NTRK3: variants seen among roughly 807,000 people sequenced by gnomAD.
NTRK3 encodes neurotrophic receptor tyrosine kinase 3.
In NTRK3, 24 loss-of-function variants were observed where a neutral mutation model predicts 91.7. The observed-to-expected ratio is 0.26, with a 90% CI of 0.19 to 0.37. The LOEUF (loss-of-function observed/expected upper bound fraction) is 0.37, where lower values mean the gene tolerates loss of function less well. Ranked by LOEUF, NTRK3 falls within the 10% of genes least tolerant of loss-of-function variation. The pLI is 1.00. For missense variants in NTRK3, 880 were observed against 1,068.9 expected (o/e 0.82, Z 2.46); for synonymous variants, 483 against 404.0 (o/e 1.20, Z -2.34).
chr15:87,905,801 C>T (rs1294428279), intron 17 of NTRK3, among the ~76,000 whole-genome samples: 2 of 152,170 alleles, frequency 1.3e-5, no homozygotes, highest in African/African-American at 4.8e-5. Flanking sequence ...AACACTGACT[C>T]ACTGAAGTTA....
intron 13 of NTRK3, among the ~76,000 whole-genome samples, chr15:88,096,167 G>A (rs921173340): frequency 5.9e-5 from 9 of 152,144 alleles, no homozygotes; most frequent in African/African-American, 1.4e-4. Context: ...GCTGTTCTCC[G>A]AGATGCTAAC....
At chr15:87,929,420 T>C in exon 17 of NTRK3, 1 of 1,614,016 alleles carries the variant, frequency 6.2e-7, no homozygotes. Context: ...GATCATTGCA[T>C]CTGGCCCATG....
At position 88,093,386 on chromosome 15, in the gene NTRK3, A is replaced by G. The variant is rs139277188; in HGVS notation, c.1396+32885T>C. Among the ~76,000 whole-genome samples the G allele has an allele frequency of 4.8e-4, 73 of 152,298 alleles. No individual in the cohort carries two copies. In the East Asian group the frequency reaches 0.014, roughly 28 times the overall value. ...TCTTAGGGTAGCATGATTAGAAAGC[A>G]GGAAGGGGAGGATTTGAAAGGAACA... On this transcript the variant is annotated intron_variant, in intron 13 of 18. Coordinates refer to ENST00000394480, the Ensembl canonical transcript of NTRK3.
intron 13 of NTRK3, among the ~76,000 whole-genome samples, chr15:88,113,585 G>A (rs539739859): frequency 8.5e-4 from 129 of 152,246 alleles, no homozygotes; most frequent in Non-Finnish European, 1.6e-3. Flanking sequence ...CAAAGTGCTG[G>A]GATTATAGGC....
intron 13 of NTRK3, among the ~76,000 whole-genome samples, chr15:88,053,486 T>G (rs1249585872): frequency 6.6e-6 from 1 of 152,194 alleles, no homozygotes; most frequent in Non-Finnish European, 1.5e-5. Flanking sequence ...TACTTCACTC[T>G]GAATTTGACA....
chr15:87,931,317 A>C (rs2068778751), intron 16 of NTRK3: 1 of 464,702 alleles, frequency 2.2e-6, no homozygotes, highest in Admixed American at 2.5e-5. Flanking sequence ...AGTGAGGGCT[A>C]TCCCGAATAT....
intron 14 of NTRK3, among the ~76,000 whole-genome samples, chr15:87,945,855 TCTTA>T (rs963644263): frequency 6.7e-6 from 1 of 148,430 alleles, no homozygotes; most frequent in African/African-American, 2.4e-5. Flanking sequence ...ATCCTGACCC[TCTTA>T]CTTACTAATT....
intron 14 of NTRK3, among the ~76,000 whole-genome samples, chr15:88,024,167 GA>G (rs1181338232): frequency 6.6e-6 from 1 of 152,226 alleles, no homozygotes; most frequent in East Asian, 1.9e-4. Context: ...TGACCCAGAA[GA>G]AAAGGAGGAG....
chr15:88,211,951 C>CA (rs2049283637), intron 3 of NTRK3, among the ~76,000 whole-genome samples: 1 of 152,138 alleles, frequency 6.6e-6, no homozygotes, highest in Non-Finnish European at 1.5e-5. Context: ...AACTGTAATT[C>CA]AATAAACCCA....
chr15:87,917,355 T>C, intron 17 of NTRK3, among the ~76,000 whole-genome samples: 1 of 152,044 alleles, frequency 6.6e-6, no homozygotes, highest in East Asian at 1.9e-4. Flanking sequence ...TGGAATAGAG[T>C]GAGCAAACCA....
intron 17 of NTRK3, among the ~76,000 whole-genome samples, chr15:87,887,002 T>C (rs1238453875): frequency 6.6e-6 from 1 of 151,960 alleles, no homozygotes; most frequent in Non-Finnish European, 1.5e-5. Flanking sequence ...AACATTTCTC[T>C]TGATGAAAAT....
chr15:88,002,339 G>A (rs972971028), intron 14 of NTRK3, among the ~76,000 whole-genome samples: 5 of 151,988 alleles, frequency 3.3e-5, no homozygotes, highest in South Asian at 4.2e-4. Flanking sequence ...GATAATGGAA[G>A]GCCTTGTTCA....
chr15:88,006,196 A>G (rs561851750), intron 14 of NTRK3, among the ~76,000 whole-genome samples: 3 of 152,332 alleles, frequency 2.0e-5, no homozygotes, highest in African/African-American at 7.2e-5. Flanking sequence ...CATCCCCAAA[A>G]AAATTTTTCC....
At chr15:87,949,280 G>C (rs566336040) in intron 14 of NTRK3, among the ~76,000 whole-genome samples, 1 of 151,974 alleles carries the variant, frequency 6.6e-6, no homozygotes, top group South Asian at 2.1e-4. Context: ...AACCAAGATC[G>C]TATTGAACCA....
chr15:87,984,296 C>T (rs1236281707), intron 14 of NTRK3, among the ~76,000 whole-genome samples: 1 of 152,196 alleles, frequency 6.6e-6, no homozygotes, highest in Non-Finnish European at 1.5e-5. Flanking sequence ...AGAAAGGATT[C>T]CTCATAGACA....
At chr15:87,935,477 C>G (rs1356887272) in intron 15 of NTRK3, among the ~76,000 whole-genome samples, 1 of 152,218 alleles carries the variant, frequency 6.6e-6, no homozygotes, top group Non-Finnish European at 1.5e-5. Context: ...ACAGTCTCTT[C>G]TGGGGACCCA....
At chr15:88,085,882 C>T (rs1162886163) in intron 13 of NTRK3, among the ~76,000 whole-genome samples, 1 of 152,174 alleles carries the variant, frequency 6.6e-6, no homozygotes, top group Non-Finnish European at 1.5e-5. Context: ...TTAATGAGGA[C>T]ATGGCTAGGG....
chr15:87,974,266 G>A (rs1445116539), intron 14 of NTRK3, among the ~76,000 whole-genome samples: 1 of 152,178 alleles, frequency 6.6e-6, no homozygotes, highest in Non-Finnish European at 1.5e-5. Flanking sequence ...AAGAGACAGA[G>A]GTGGCTAGAG....
intron 17 of NTRK3, among the ~76,000 whole-genome samples, chr15:87,923,579 A>G (rs996558864): frequency 1.3e-5 from 2 of 152,208 alleles, no homozygotes; most frequent in African/African-American, 4.8e-5. Context: ...CTGAGTATCT[A>G]TTTGATACAG....
Sources: gnomAD v4.1 joint callset for allele counts (sites outside exome capture counted in the v4.1 genomes callset) on GRCh38, gnomAD v4.1.1 for gene constraint, MANE v1.5 for transcripts, NCBI Gene and HGNC (gene_info 2026-07-23, HGNC 2026-07-21) for gene names.